Variants in NDUFA9 observed in about 807,000 individuals in gnomAD.
The protein encoded by NDUFA9 is NADH dehydrogenase [ubiquinone] 1 alpha subcomplex subunit 9, mitochondrial.
A neutral mutation model predicts 45.9 loss-of-function variants in NDUFA9; 23 were observed. That is an observed-to-expected ratio of 0.50 (90% CI 0.36 to 0.71). NDUFA9 has a LOEUF of 0.71. NDUFA9 is among the 30% of genes least tolerant of loss of function. The pLI, the probability that NDUFA9 is intolerant of heterozygous loss-of-function variation, is 0.00. For synonymous variants in NDUFA9, 176 were observed against 170.5 expected (o/e 1.03, Z -0.25); for missense variants, 466 against 488.2 (o/e 0.95, Z 0.43).
In NDUFA9 at chr12:4,687,116, T is replaced by C. The variant is rs3210085; in HGVS notation, c.*8T>C. On this transcript the variant is annotated 3_prime_UTR_variant, in exon 11 of 11. Transcript: ENST00000266544. ...AAGACCGTCAACATTTAGTGCCTCC[T>C]GAGCAGCTCTTGGTTTTGGCGTCTT... 2 of 1,613,862 alleles carry C rather than the reference T, an allele frequency of 1.2e-6. No homozygotes were observed. Among genetic ancestry groups the C allele is most frequent in the African/African-American group, 2.7e-5 (2 of 75,060 alleles).
At chr12:4,675,370 A>G (rs1945913120) in intron 8 of NDUFA9, among the ~76,000 whole-genome samples, 1 of 152,200 alleles carries the variant, frequency 6.6e-6, no homozygotes, top group South Asian at 2.1e-4. Flanking sequence ...AAATCAATGA[A>G]TCCAGGAGCT....
chr12:4,677,841 A>G (rs1244155352), intron 8 of NDUFA9, among the ~76,000 whole-genome samples: 2 of 152,248 alleles, frequency 1.3e-5, no homozygotes, highest in East Asian at 3.8e-4. Flanking sequence ...ATGCACACGT[A>G]TGTTTATTAC....
chr12:4,672,893 C>T (rs913870421), intron 8 of NDUFA9, among the ~76,000 whole-genome samples: 1 of 152,234 alleles, frequency 6.6e-6, no homozygotes, highest in African/African-American at 2.4e-5. Context: ...AAGGGACAGA[C>T]TGCCTCCTCA....
At chr12:4,675,489 T>G (rs1339113513) in intron 8 of NDUFA9, among the ~76,000 whole-genome samples, 1 of 151,884 alleles carries the variant, frequency 6.6e-6, no homozygotes, top group Non-Finnish European at 1.5e-5. Flanking sequence ...TCACCACTGA[T>G]CCCACAGAAA....
intron 9 of NDUFA9, among the ~76,000 whole-genome samples, chr12:4,684,083 T>A (rs934396551): frequency 3.3e-5 from 5 of 152,158 alleles, no homozygotes; most frequent in Admixed American, 3.3e-4. Context: ...GACACTAGAA[T>A]AGAGACCTGA....
intron 1 of NDUFA9, among the ~76,000 whole-genome samples, chr12:4,649,702 G>A (rs1336887049): frequency 6.6e-6 from 1 of 152,148 alleles, no homozygotes; most frequent in African/African-American, 2.4e-5. Flanking sequence ...TTACCCAAAA[G>A]CGTCTCTACG....
intron 3 of NDUFA9, among the ~76,000 whole-genome samples, chr12:4,656,176 CAG>C (rs1490738010): frequency 1.3e-5 from 2 of 152,114 alleles, no homozygotes; most frequent in African/African-American, 4.8e-5. Context: ...ATTCTTGACT[CAG>C]TGTTCACAAG....
intron 9 of NDUFA9, among the ~76,000 whole-genome samples, chr12:4,684,448 A>T (rs1591551086): frequency 6.6e-6 from 1 of 151,968 alleles, no homozygotes; most frequent in South Asian, 2.1e-4. Context: ...GCCCCAGCAA[A>T]TTCCTAGTGT....
At chr12:4,654,177 A>G in intron 1 of NDUFA9, 115 bp from the exon 2 acceptor site, 4 of 993,530 alleles carry the variant, frequency 4.0e-6, no homozygotes, top group South Asian at 3.4e-5. Context: ...TTAAATTGCT[A>G]AAGTACTGAT....
At chr12:4,683,799 A>C (rs1441991148) in intron 9 of NDUFA9, among the ~76,000 whole-genome samples, 1 of 152,204 alleles carries the variant, frequency 6.6e-6, no homozygotes, top group Non-Finnish European at 1.5e-5. Context: ...TCGATGTTTT[A>C]AGAAGGGGAA....
At chr12:4,658,425 AT>A (rs1195413722) in intron 4 of NDUFA9, among the ~76,000 whole-genome samples, 3 of 141,474 alleles carry the variant, frequency 2.1e-5, no homozygotes, top group African/African-American at 7.6e-5. Context: ...TCAACTTTTT[AT>A]CCCCCCTAAT....
chr12:4,670,821 C>T (rs1945881951), intron 8 of NDUFA9, among the ~76,000 whole-genome samples: 2 of 152,274 alleles, frequency 1.3e-5, no homozygotes, highest in South Asian at 4.1e-4. Flanking sequence ...TCATAAAATA[C>T]TACACAAAAG....
intron 9 of NDUFA9, 62 bp downstream of exon 9, chr12:4,682,362 A>G (rs1313563211): frequency 7.9e-7 from 1 of 1,268,036 alleles, no homozygotes. Context: ...CTTGTTCCTA[A>G]TGTTCTCCCT....
At chr12:4,680,896 T>C (rs1293362577) in intron 8 of NDUFA9, among the ~76,000 whole-genome samples, 1 of 152,192 alleles carries the variant, frequency 6.6e-6, no homozygotes, top group African/African-American at 2.4e-5. Flanking sequence ...TACTTATTAA[T>C]GCTAGGTTAA....
intron 5 of NDUFA9, 49 bp from the exon 6 acceptor site, chr12:4,662,484 T>C (rs370125773): frequency 3.2e-5 from 45 of 1,389,724 alleles, no homozygotes; most frequent in African/African-American, 5.7e-5. Flanking sequence ...ATGGATGCTT[T>C]ATTCACTTGT....
Position 4,654,274 on chromosome 12 carries a change from T to C in NDUFA9, c.50-18T>C, listed in dbSNP as rs776307606. 3 of 1,604,554 alleles carry C rather than the reference T, an allele frequency of 1.9e-6. No homozygotes were observed. Among genetic ancestry groups the C allele is most frequent in the East Asian group, 4.5e-5 (2 of 44,642 alleles). On this transcript the variant is annotated intron_variant, in intron 1 of 10. Coordinates refer to ENST00000266544, the MANE Select transcript of NDUFA9 (RefSeq NM_005002.5). ...ATTAATATTTGCCATGCTTGTATAC[T>C]TTGGGGTTTTGTTTAAGGTTCTGCC...
chr12:4,658,907 A>T, intron 4 of NDUFA9, 129 bp from the exon 5 acceptor site: 3 of 1,012,044 alleles, frequency 3.0e-6, no homozygotes, highest in Non-Finnish European at 4.3e-6. Context: ...GCTTTAAGTT[A>T]AATCATTGCT....
Position 4,682,271 on chromosome 12 carries a change from C to T in NDUFA9, c.867C>T (p.Leu289=). The change falls in exon 9 of 11, where the codon CTC becomes CTT. Residue 289 remains leucine, a synonymous_variant. Transcript: ENST00000266544. ...YIFAVAHRLF[L]PFPLPLFAYR... ...TTGCTGTGGCTCACAGATTGTTCCT[C>T]CCATTCCCCTTGCCGCTTTTTGCCT... 1 of 1,613,318 alleles carries T rather than the reference C, an allele frequency of 6.2e-7. No homozygotes were observed.
At chr12:4,649,895 C>T (rs1464532816) in intron 1 of NDUFA9, among the ~76,000 whole-genome samples, 4 of 152,188 alleles carry the variant, frequency 2.6e-5, no homozygotes, top group Non-Finnish European at 5.9e-5. Flanking sequence ...AAACTGAAAA[C>T]ATACATTTGT....
Sources: allele counts gnomAD v4.1 joint callset (sites outside exome capture counted in the v4.1 genomes callset), GRCh38; gene constraint gnomAD v4.1.1; transcripts MANE v1.5; gene names NCBI Gene and HGNC (gene_info 2026-07-23, HGNC 2026-07-21).